Variants in CDK17 observed in about 807,000 individuals in gnomAD.
CDK17 encodes cyclin-dependent kinase 17.
A neutral mutation model predicts 77.6 loss-of-function variants in CDK17; 24 were observed. The observed-to-expected ratio is 0.31, with a 90% CI of 0.22 to 0.44. The LOEUF is 0.44. Ranked by LOEUF, CDK17 falls within the 20% of genes least tolerant of loss-of-function variation. The pLI is 1.00. For missense variants in CDK17, 429 were observed against 622.5 expected (o/e 0.69, Z 3.31); for synonymous variants, 203 against 210.4 (o/e 0.96, Z 0.30).
chr12:96,304,643 T>C (rs913806464), intron 5 of CDK17, among the ~76,000 whole-genome samples: 4 of 152,246 alleles, frequency 2.6e-5, no homozygotes, highest in Non-Finnish European at 4.4e-5. Context: ...AAATGTGTTT[T>C]ATCCCTTAGA....
At chr12:96,396,704 T>C (rs954088408) in intron 1 of CDK17, among the ~76,000 whole-genome samples, 2 of 152,176 alleles carry the variant, frequency 1.3e-5, no homozygotes, top group Admixed American at 6.5e-5. Flanking sequence ...TAAAATTCCC[T>C]AGAGAATATA....
At chr12:96,342,051 G>C (rs1044587068) in intron 1 of CDK17, among the ~76,000 whole-genome samples, 1 of 152,142 alleles carries the variant, frequency 6.6e-6, no homozygotes, top group Non-Finnish European at 1.5e-5. Flanking sequence ...AACAAATCAA[G>C]TATTGTGAAG....
At chr12:96,347,609 AGG>A (rs1565830151) in intron 1 of CDK17, among the ~76,000 whole-genome samples, 11 of 16,086 alleles carry the variant, frequency 6.8e-4, no homozygotes, top group Admixed American at 3.0e-3. Context: ...AGGGGAAGGG[AGG>A]GGAAGGGAGG....
At position 96,279,064 on chromosome 12, in the gene CDK17, G is replaced by A. The variant is rs1952140366; in HGVS notation, c.*1178C>T. On this transcript the variant is annotated 3_prime_UTR_variant, in exon 17 of 17. Transcript: ENST00000261211. ...AATTAAGATTTATAGTTTGTAAGAT[G>A]CACTAAACAAATAGTCCTTAAAAGT... 6.6e-6 allele frequency: 1 copy of A among 152,516 alleles called. No individual in the cohort carries two copies. The highest frequency in any genetic ancestry group is 1.5e-5 in the Non-Finnish European group (1 of 67,958). 9.4% of individuals were successfully genotyped at this position (152,516 alleles called of 1,614,324 possible).
At chr12:96,328,420 T>C (rs1329541740) in intron 2 of CDK17, among the ~76,000 whole-genome samples, 1 of 152,166 alleles carries the variant, frequency 6.6e-6, no homozygotes. Context: ...GAAAAAACTG[T>C]CTTCCACAAA....
intron 1 of CDK17, among the ~76,000 whole-genome samples, chr12:96,368,806 C>CGG (rs113976893): frequency 1.5e-5 from 1 of 67,580 alleles, no homozygotes; most frequent in Non-Finnish European, 3.0e-5. Context: ...TACTCTAAGA[C>CGG]GGGGGGGGGG....
At chr12:96,294,512 G>A (rs1432247696) in intron 10 of CDK17, among the ~76,000 whole-genome samples, 2 of 143,684 alleles carry the variant, frequency 1.4e-5, no homozygotes, top group Non-Finnish European at 3.0e-5. Context: ...GAACCTGGGA[G>A]GCAGAGGTTG....
intron 1 of CDK17, among the ~76,000 whole-genome samples, chr12:96,368,806 C>CAGAGG (rs1491120801): frequency 1.5e-5 from 1 of 67,586 alleles, no homozygotes; most frequent in African/African-American, 5.1e-5. Flanking sequence ...TACTCTAAGA[C>CAGAGG]GGGGGGGGGG....
intron 11 of CDK17, among the ~76,000 whole-genome samples, chr12:96,288,700 G>A (rs751809608): frequency 7.2e-5 from 11 of 152,084 alleles, no homozygotes; most frequent in South Asian, 2.1e-4. Flanking sequence ...GGATCGAAGC[G>A]GTGTGTGAGA....
In CDK17 at chr12:96,390,074, T is replaced by C. The variant is rs192364588; in HGVS notation, c.-30+9912A>G. 4.3e-3 allele frequency among the ~76,000 whole-genome samples: 651 copies of C among 152,018 alleles called. 5 individuals carry two copies. The highest frequency in any genetic ancestry group is 0.014 in the Middle Eastern group (4 of 292). Reference sequence around the variant, plus strand: ...TGATATCCTGACCTCATAATCCGCCTGCCTCAGCCTCCCAAAGTGCTGGGA... The same window carrying C: ...TGATATCCTGACCTCATAATCCGCCCGCCTCAGCCTCCCAAAGTGCTGGGA... On this transcript the variant is annotated intron_variant, in intron 1 of 16. Transcript: ENST00000261211.
intron 5 of CDK17, among the ~76,000 whole-genome samples, chr12:96,300,667 G>A (rs1952486791): frequency 6.6e-6 from 1 of 152,132 alleles, no homozygotes; most frequent in Non-Finnish European, 1.5e-5. Context: ...AAAGTGCTGG[G>A]ATTACAGGCG....
chr12:96,326,812 G>C (rs1009481932), intron 2 of CDK17, among the ~76,000 whole-genome samples: 4 of 152,194 alleles, frequency 2.6e-5, no homozygotes, highest in African/African-American at 4.8e-5. Flanking sequence ...AACCGTGCGG[G>C]CAACAGTGGT....
At position 96,312,548 on chromosome 12, in the gene CDK17, CTGAT is replaced by C. The variant is rs534352657; in HGVS notation, c.417+769_417+772del. The stretch of plus-strand genomic sequence containing the variant: ...TAGAAAACTGATAAGATTTCCTTAA[CTGAT>C]TAAGAAGAATCCTTTTATAATGAAA... On this transcript the variant is annotated intron_variant, in intron 4 of 16. Coordinates refer to ENST00000261211, the MANE Select transcript of CDK17 (RefSeq NM_002595.5). Among the ~76,000 whole-genome samples, 110 of 152,198 alleles carry C rather than the reference CTGAT, an allele frequency of 7.2e-4. 2 individuals are homozygous for C. The highest frequency in any genetic ancestry group is 2.5e-3 in the African/African-American group (105 of 41,518).
At chr12:96,360,430 C>T (rs1359347593) in intron 1 of CDK17, among the ~76,000 whole-genome samples, 2 of 152,190 alleles carry the variant, frequency 1.3e-5, no homozygotes, top group Non-Finnish European at 2.9e-5. Context: ...AAAACCTAAT[C>T]AAGCCTCAGG....
intron 1 of CDK17, among the ~76,000 whole-genome samples, chr12:96,353,798 A>C (rs1953351980): frequency 1.3e-5 from 2 of 152,176 alleles, no homozygotes; most frequent in African/African-American, 4.8e-5. Flanking sequence ...AATAACTAGT[A>C]ATAATAGTAA....
intron 12 of CDK17, 60 bp from the exon 13 acceptor site, chr12:96,286,208 A>T: frequency 2.5e-6 from 1 of 399,892 alleles, no homozygotes; most frequent in Non-Finnish European, 4.0e-6. Flanking sequence ...ATATATAAAA[A>T]TTATATACAC....
chr12:96,307,034 G>A (rs568918108), intron 5 of CDK17, among the ~76,000 whole-genome samples: 4 of 152,306 alleles, frequency 2.6e-5, no homozygotes, highest in Admixed American at 1.3e-4. Context: ...AGGGGCTCAC[G>A]CCTGTAATCC....
intron 1 of CDK17, among the ~76,000 whole-genome samples, chr12:96,389,393 T>A (rs142612287): frequency 6.6e-6 from 1 of 152,310 alleles, no homozygotes; most frequent in African/African-American, 2.4e-5. Flanking sequence ...AATAGAAACC[T>A]AAGTTGCAGA....
rs2137062508 is a variant in CDK17, at chr12:96,283,429, C to A, written c.1365+174G>T. On this transcript the variant is annotated intron_variant, in intron 14 of 16. Transcript: ENST00000261211. The stretch of plus-strand genomic sequence containing the variant: ...TGTTGTAGGTGACAAGAGACCCAGA[C>A]ACATTAGGAGAAACCATGTTTTTTT... Among the ~76,000 whole-genome samples the A allele has an allele frequency of 2.1e-5, 3 of 145,990 alleles. 1 individual carries two copies. In the Middle Eastern group the frequency reaches 0.01, roughly 510 times the overall value.
Sources: gnomAD v4.1 joint callset for allele counts (sites outside exome capture counted in the v4.1 genomes callset) on GRCh38, gnomAD v4.1.1 for gene constraint, MANE v1.5 for transcripts, NCBI Gene and HGNC (gene_info 2026-07-23, HGNC 2026-07-21) for gene names.